The following BEND3 variants were observed in gnomAD, a reference collection of about 807,000 sequenced individuals.
BEND3 encodes BEN domain-containing protein 3.
BEND3 carries 13 observed loss-of-function variants against 60.1 expected under a neutral mutation model. The observed-to-expected ratio is 0.22, with a 90% confidence interval of 0.14 to 0.34. The LOEUF (loss-of-function observed/expected upper bound fraction) is 0.34. Among genes scored for constraint, BEND3 ranks in the 10% least tolerant of loss-of-function variants. BEND3 has a pLI of 1.00. For missense variants in BEND3, 896 were observed against 1,138.1 expected, an observed-to-expected ratio of 0.79 and a Z score of 3.06; for synonymous variants, 497 against 491.5, an observed-to-expected ratio of 1.01 and a Z score of -0.15.
At chr6:107,107,053 C>T (rs958134911) in intron 1 of BEND3, among the ~76,000 whole-genome samples, 3 of 152,114 alleles carry the variant, frequency 2.0e-5, no homozygotes, top group Admixed American at 6.6e-5. Flanking sequence ...ACTCCTGCCC[C>T]AGCCTCCCAA....
At chr6:107,091,110 GAA>G (rs1311566662) in intron 3 of BEND3, among the ~76,000 whole-genome samples, 1 of 133,006 alleles carries the variant, frequency 7.5e-6, no homozygotes. Flanking sequence ...ACTCCATCTC[GAA>G]AAAAAAAAAA....
At position 107,070,911 on chromosome 6, in the gene BEND3, G is replaced by A; in HGVS notation, c.280C>T (p.Pro94Ser). ...AGMRNRENSS[P>S]CQGNGEQAGR... ...GCCTGCTCACCATTGCCTTGGCAGG[G>A]CGAGCTGTTCTCACGGTTCCGCATG... Residue 94 changes from proline to serine, a missense_variant, in exon 4 of 4, where the codon CCC (proline) becomes TCC (serine). Physicochemically the swap from Pro to Ser is moderately conservative, Grantham distance 74. Coordinates refer to ENST00000369042, the MANE Select transcript of BEND3 (RefSeq NM_001367314.1). The surrounding 1 kb of genome is among the most constrained non-coding windows in gnomAD (Gnocchi z 6.9). 1 of 1,613,684 alleles carries A rather than the reference G, an allele frequency of 6.2e-7. No homozygotes were observed. The highest frequency in any genetic ancestry group is 8.5e-7 in the Non-Finnish European group (1 of 1,179,906).
rs150295765 is a variant in BEND3, at chr6:107,084,940, T to C, written c.240+13611A>G. Among the ~76,000 whole-genome samples, 985 of 152,344 alleles carry C rather than the reference T, an allele frequency of 6.5e-3. 21 individuals are homozygous for C. In the East Asian group the frequency reaches 0.08, roughly 12 times the overall value. On this transcript the variant is annotated intron_variant, in intron 3 of 3. Transcript: ENST00000369042. Reference sequence around the variant, plus strand: ...CAGTGGCAACCCATTCGGGTCCCCTTCCACGCTGTGGAAGCTTTGTTCTCT... The same window carrying C: ...CAGTGGCAACCCATTCGGGTCCCCTCCCACGCTGTGGAAGCTTTGTTCTCT...
intron 3 of BEND3, among the ~76,000 whole-genome samples, chr6:107,082,633 T>C (rs1377400074): frequency 1.3e-5 from 2 of 152,060 alleles, no homozygotes; most frequent in Non-Finnish European, 2.9e-5. Flanking sequence ...CGAGGTTTGT[T>C]GGCTAGGCTG....
In BEND3 at chr6:107,115,260, CTCTT is replaced by C. The variant is rs1336676979; in HGVS notation, c.-186_-183del. ...GGGCGAGCGCCGTGTATTTTCCCCT[CTCTT>C]TGTGTGTGTCCGTGCGCTGCGCTCT... On this transcript the variant is annotated 5_prime_UTR_variant, in exon 1 of 4. The change creates a premature stop within an existing upstream ORF in the 5' untranslated region. Coordinates refer to ENST00000369042, the MANE Select transcript of BEND3 (RefSeq NM_001367314.1). 6 of 149,942 alleles carry C rather than the reference CTCTT, an allele frequency of 4.0e-5. No individual in the cohort carries two copies. Among genetic ancestry groups the C allele is most frequent in the African/African-American group, 9.7e-5 (4 of 41,102 alleles). 9.3% of individuals were successfully genotyped at this position (149,942 alleles called of 1,614,324 possible).
chr6:107,073,822 G>C (rs1367906637), intron 3 of BEND3, among the ~76,000 whole-genome samples: 1 of 151,960 alleles, frequency 6.6e-6, no homozygotes, highest in African/African-American at 2.4e-5. Flanking sequence ...GGGAGATTGA[G>C]GCTTCGTAAG....
intron 3 of BEND3, among the ~76,000 whole-genome samples, chr6:107,075,253 G>A (rs1775077581): frequency 7.1e-6 from 1 of 140,668 alleles, no homozygotes; most frequent in Non-Finnish European, 1.6e-5. Context: ...TAAATAAAGA[G>A]GGAGGGAAGG....
chr6:107,092,808 A>G (rs1421038349), intron 3 of BEND3, among the ~76,000 whole-genome samples: 1 of 152,220 alleles, frequency 6.6e-6, no homozygotes, highest in Non-Finnish European at 1.5e-5. Context: ...TACAAAAGTC[A>G]ATTTTATTTC....
At position 107,069,753 on chromosome 6, in the gene BEND3, G is replaced by T. The variant is rs782188646; in HGVS notation, c.1438C>A (p.Leu480Ile). The T allele has an allele frequency of 1.2e-6, 2 of 1,612,528 alleles. No homozygotes were observed. Among genetic ancestry groups the T allele is most frequent in the Non-Finnish European group, 8.5e-7 (1 of 1,180,020 alleles). ...QQCAQRINDE[L>I]EGLGLDAGSE... ...CCCGCGTCCAGCCCCAGGCCCTCGA[G>T]CTCGTCGTTGATGCGCTGGGCACAC... The change falls in exon 4 of 4, where the codon CTC becomes ATC. Residue 480 changes from leucine (L) to isoleucine (I), a missense_variant. Around this residue, in one of 4 missense-constraint regions of BEND3, gnomAD observed 846 missense variants for 1,036.7 expected, o/e 0.82. Transcript: ENST00000369042.
intron 3 of BEND3, among the ~76,000 whole-genome samples, chr6:107,081,576 C>T (rs1484108917): frequency 3.9e-5 from 6 of 152,112 alleles, no homozygotes; most frequent in Non-Finnish European, 8.8e-5. Context: ...TCAGAACTGC[C>T]TTCTGTATCC....
chr6:107,087,752 AC>A (rs66550413), intron 3 of BEND3, among the ~76,000 whole-genome samples: 114,865 of 145,600 alleles, frequency 0.79, 45,444 homozygotes, highest in East Asian at 0.89. Flanking sequence ...AAACAAACAA[AC>A]AAAAAAACAG....
chr6:107,093,806 A>C (rs1423431044), intron 3 of BEND3, among the ~76,000 whole-genome samples: 2 of 152,240 alleles, frequency 1.3e-5, no homozygotes, highest in Non-Finnish European at 2.9e-5. Flanking sequence ...ATAACATCAG[A>C]GAAAACATAG....
At chr6:107,080,261 G>A (rs1775197300) in intron 3 of BEND3, among the ~76,000 whole-genome samples, 2 of 149,654 alleles carry the variant, frequency 1.3e-5, no homozygotes, top group South Asian at 4.2e-4. Context: ...AGGCTGAGGT[G>A]AGGGGATTGC....
intron 3 of BEND3, among the ~76,000 whole-genome samples, chr6:107,081,943 G>A (rs2115008123): frequency 6.6e-6 from 1 of 152,284 alleles, no homozygotes; most frequent in African/African-American, 2.4e-5. Flanking sequence ...ATCTCGGACT[G>A]TCCACAAAGG....
intron 3 of BEND3, among the ~76,000 whole-genome samples, chr6:107,075,785 G>A (rs1432806397): frequency 6.6e-6 from 1 of 152,146 alleles, no homozygotes; most frequent in Non-Finnish European, 1.5e-5. Context: ...TTGCCCAGGG[G>A]AGAAATGAGT....
At chr6:107,091,336 C>T (rs1436135080) in intron 3 of BEND3, among the ~76,000 whole-genome samples, 4 of 151,898 alleles carry the variant, frequency 2.6e-5, no homozygotes, top group South Asian at 2.1e-4. Context: ...AAATTACTAA[C>T]GGGAAATCAA....
rs532476787 is a variant in BEND3 at position 107,070,831 on chromosome 6, G to A, written c.360C>T (p.Asn120=). Residue 120 remains asparagine, a synonymous_variant, in exon 4 of 4, where the codon AAC becomes AAT. Transcript: ENST00000369042. This position sits in a 1 kb window ranked among gnomAD's most constrained non-coding sequence, Gnocchi z 6.9. ...TCTTGTAGGAAGGGGTGGTGGCATC[G>A]TTGCAGGGCTCCTCCTCTCCAGGCC... ...NVWPGEEEPC[N]DATTPSYKKP... is the part of the protein sequence containing the mutation. 3.0e-5 allele frequency: 48 copies of A among 1,613,982 alleles called. 1 individual carries two copies. Among genetic ancestry groups the A allele is most frequent in the African/African-American group, 9.3e-5 (7 of 75,058 alleles).
intron 3 of BEND3, among the ~76,000 whole-genome samples, chr6:107,077,014 A>AT (rs1205505828): frequency 3.3e-5 from 5 of 151,666 alleles, no homozygotes; most frequent in Middle Eastern, 3.4e-3. Context: ...TGGTCAGCTA[A>AT]TTTTTTTTGT....
intron 3 of BEND3, among the ~76,000 whole-genome samples, chr6:107,079,977 C>T (rs1461846381): frequency 1.3e-5 from 2 of 151,834 alleles, no homozygotes; most frequent in African/African-American, 4.8e-5. Flanking sequence ...GTGATCCTCC[C>T]GCCTCGGCCT....
Sources: gnomAD v4.1 joint callset for allele counts (sites outside exome capture counted in the v4.1 genomes callset) on GRCh38, gnomAD v4.1.1 for gene constraint, gnomAD v4.1.1 regional missense constraint, Gnocchi (gnomAD v3.1) non-coding constraint, MANE v1.5 for transcripts, NCBI Gene and HGNC (gene_info 2026-07-23, HGNC 2026-07-21) for gene names.